AKAP19: variants seen among roughly 807,000 people sequenced by gnomAD.
AKAP19 encodes A-kinase anchoring protein 19, also known as small A-kinase anchoring protein.
chr2:190,068,763 T>C, the AKAP19 span, among the ~76,000 whole-genome samples: 1 of 151,966 alleles, frequency 6.6e-6, no homozygotes, highest in Admixed American at 6.6e-5. Context: ...AGTGAAAGGG[T>C]TTTTAGTTTG....
the AKAP19 span, among the ~76,000 whole-genome samples, chr2:190,022,678 C>T: frequency 6.6e-6 from 1 of 152,100 alleles, no homozygotes; most frequent in African/African-American, 2.4e-5. Flanking sequence ...AAATATTTAT[C>T]TGCAGGTTCA....
chr2:190,028,639 T>C, the AKAP19 span, among the ~76,000 whole-genome samples: 1 of 152,194 alleles, frequency 6.6e-6, no homozygotes, highest in Admixed American at 6.5e-5. Flanking sequence ...ATTTAACATA[T>C]AAGTATACTT....
chr2:189,988,644 G>A, the AKAP19 span, among the ~76,000 whole-genome samples: 8 of 152,170 alleles, frequency 5.3e-5, no homozygotes, highest in East Asian at 1.9e-4. Context: ...GAGAGGGAGC[G>A]AATCTTTTCT....
chr2:190,022,180 G>A, the AKAP19 span, among the ~76,000 whole-genome samples: 2 of 152,176 alleles, frequency 1.3e-5, no homozygotes, highest in South Asian at 4.2e-4. Flanking sequence ...CTGCCACATT[G>A]GGGATTAAAT....
At chr2:190,002,094 A>AG in the AKAP19 span, among the ~76,000 whole-genome samples, 1 of 152,218 alleles carries the variant, frequency 6.6e-6, no homozygotes, top group Non-Finnish European at 1.5e-5. Flanking sequence ...GAACAAGGGC[A>AG]GGGGATATGG....
the AKAP19 span, among the ~76,000 whole-genome samples, chr2:190,067,096 T>G: frequency 2.0e-5 from 3 of 152,188 alleles, no homozygotes; most frequent in African/African-American, 7.2e-5. Flanking sequence ...TCTTTTTTTG[T>G]GTCAGTTATA....
At chr2:189,975,259 T>A in the AKAP19 span, among the ~76,000 whole-genome samples, 1 of 152,206 alleles carries the variant, frequency 6.6e-6, no homozygotes, top group South Asian at 2.1e-4. Flanking sequence ...TGGCTGGATA[T>A]GAAATTCTGG....
the AKAP19 span, among the ~76,000 whole-genome samples, chr2:190,198,801 A>G: frequency 3.3e-5 from 5 of 152,112 alleles, no homozygotes; most frequent in East Asian, 1.9e-4. Flanking sequence ...GCTGTCTTGT[A>G]TTGTTTTAGT....
At chr2:190,027,886 C>T in the AKAP19 span, among the ~76,000 whole-genome samples, 4 of 152,086 alleles carry the variant, frequency 2.6e-5, no homozygotes, top group African/African-American at 9.7e-5. Flanking sequence ...ATTTGTTTGG[C>T]ATCTATGAAT....
At chr2:190,072,205 C>T in the AKAP19 span, among the ~76,000 whole-genome samples, 1 of 151,948 alleles carries the variant, frequency 6.6e-6, no homozygotes, top group Non-Finnish European at 1.5e-5. Context: ...GACAGCTAAA[C>T]GTTGGGTAGT....
chr2:189,962,806 T>C, the AKAP19 span, among the ~76,000 whole-genome samples: 1 of 152,146 alleles, frequency 6.6e-6, no homozygotes, highest in African/African-American at 2.4e-5. Flanking sequence ...CAAAGCACTA[T>C]GTAAGATGCT....
the AKAP19 span, among the ~76,000 whole-genome samples, chr2:190,158,455 T>C: frequency 6.6e-6 from 1 of 152,218 alleles, no homozygotes; most frequent in South Asian, 2.1e-4. Flanking sequence ...AATTTAACAG[T>C]GTGTTTCACC....
At chr2:190,033,703 C>A in the AKAP19 span, among the ~76,000 whole-genome samples, 1 of 152,286 alleles carries the variant, frequency 6.6e-6, no homozygotes, top group East Asian at 1.9e-4. Context: ...GGACATTCCC[C>A]AAACATTACT....
the AKAP19 span, among the ~76,000 whole-genome samples, chr2:190,169,537 G>A: frequency 6.6e-6 from 1 of 152,116 alleles, no homozygotes. Context: ...ATAGAGAAAA[G>A]GTCCAAAATT....
At chr2:190,137,532 A>G in the AKAP19 span, among the ~76,000 whole-genome samples, 21 of 152,320 alleles carry the variant, frequency 1.4e-4, no homozygotes, top group African/African-American at 4.1e-4. Flanking sequence ...CCTAGATGAC[A>G]AAGGTCTTCA....
At chr2:190,129,097 T>A in the AKAP19 span, among the ~76,000 whole-genome samples, 1 of 152,214 alleles carries the variant, frequency 6.6e-6, no homozygotes, top group African/African-American at 2.4e-5. Context: ...CACATGTACA[T>A]CAACTGGCAT....
the AKAP19 span, among the ~76,000 whole-genome samples, chr2:190,168,395 G>A: frequency 6.6e-6 from 1 of 152,108 alleles, no homozygotes; most frequent in Non-Finnish European, 1.5e-5. Flanking sequence ...GACATGCCCT[G>A]GAGACATTCC....
the AKAP19 span, among the ~76,000 whole-genome samples, chr2:190,015,733 T>G: frequency 6.6e-6 from 1 of 152,330 alleles, no homozygotes; most frequent in East Asian, 1.9e-4. Context: ...AGTTCCAGTT[T>G]CAAACCATCT....
the AKAP19 span, among the ~76,000 whole-genome samples, chr2:189,903,537 T>C: frequency 3.3e-5 from 5 of 152,074 alleles, no homozygotes; most frequent in Admixed American, 6.6e-5. Flanking sequence ...TCAGTAAATA[T>C]TTGAATGCCA....
Sources: gnomAD v4.1 joint callset for allele counts (sites outside exome capture counted in the v4.1 genomes callset) on GRCh38, gnomAD v4.1.1 for gene constraint, MANE v1.5 for transcripts, NCBI Gene and HGNC (gene_info 2026-07-23, HGNC 2026-07-21) for gene names.